HDAC9: variants seen among roughly 807,000 people sequenced by gnomAD.
The protein encoded by HDAC9 is MEF-2 interacting transcription repressor (MITR) protein.
A neutral mutation model predicts 139.4 loss-of-function variants in HDAC9; 41 were observed. The observed-to-expected ratio is 0.29, with a 90% CI of 0.23 to 0.38. HDAC9 has a LOEUF of 0.38. Ranked by LOEUF, HDAC9 falls within the 10% of genes least tolerant of loss-of-function variation. The pLI, the probability that HDAC9 is intolerant of heterozygous loss-of-function variation, is 1.00. For missense variants in HDAC9, 1,147 were observed against 1,297.0 expected, an observed-to-expected ratio of 0.88 and a Z score of 1.78; for synonymous variants, 517 against 476.2, an observed-to-expected ratio of 1.09 and a Z score of -1.12.
At chr7:18,330,532 A>G (rs1800840108) in intron 1 of HDAC9, among the ~76,000 whole-genome samples, 1 of 151,496 alleles carries the variant, frequency 6.6e-6, no homozygotes, top group African/African-American at 2.4e-5. Flanking sequence ...AAGAGAATTA[A>G]TCTCTTAGAA....
intron 1 of HDAC9, among the ~76,000 whole-genome samples, chr7:18,409,839 G>A (rs192688029): frequency 1.5e-3 from 232 of 152,158 alleles, no homozygotes; most frequent in African/African-American, 5.4e-3. Context: ...TCAAATATTG[G>A]CTAAATTAAA....
intron 1 of HDAC9, among the ~76,000 whole-genome samples, chr7:18,341,768 A>G (rs1782033206): frequency 1.3e-5 from 2 of 151,684 alleles, no homozygotes; most frequent in South Asian, 4.1e-4. Flanking sequence ...TTTCCTGCTA[A>G]TTTGCATACC....
intron 16 of HDAC9, among the ~76,000 whole-genome samples, chr7:18,768,976 A>G (rs1790056929): frequency 1.3e-5 from 2 of 152,204 alleles, no homozygotes; most frequent in African/African-American, 4.8e-5. Flanking sequence ...AGGCTAACAT[A>G]AATGTTTGGC....
At chr7:18,222,127 G>C (rs1001728919) in intron 2 of HDAC9, among the ~76,000 whole-genome samples, 1 of 151,326 alleles carries the variant, frequency 6.6e-6, no homozygotes, top group Admixed American at 6.6e-5. Flanking sequence ...ATAGTATGGG[G>C]AACTTCTGAG....
chr7:18,621,640 A>G (rs1336114542), intron 6 of HDAC9, among the ~76,000 whole-genome samples: 2 of 152,168 alleles, frequency 1.3e-5, no homozygotes, highest in Non-Finnish European at 2.9e-5. Context: ...TATGAATTAC[A>G]TACTGTTAAG....
At chr7:18,568,770 G>A (rs1187591089) in intron 2 of HDAC9, among the ~76,000 whole-genome samples, 1 of 152,112 alleles carries the variant, frequency 6.6e-6, no homozygotes, top group African/African-American at 2.4e-5. Flanking sequence ...AAATTGGGCC[G>A]GGCGCAGTGG....
intron 1 of HDAC9, among the ~76,000 whole-genome samples, chr7:18,363,217 A>G (rs1362701347): frequency 2.0e-5 from 3 of 152,154 alleles, no homozygotes; most frequent in African/African-American, 7.2e-5. Context: ...TCACCACGGT[A>G]GATTTTCCAT....
intron 1 of HDAC9, among the ~76,000 whole-genome samples, chr7:18,150,867 TAA>T (rs1786727544): frequency 6.6e-6 from 1 of 152,192 alleles, no homozygotes; most frequent in Non-Finnish European, 1.5e-5. Flanking sequence ...CAGAGGAACT[TAA>T]GAGTGAGTGA....
chr7:18,688,361 T>A (rs1782431112), intron 12 of HDAC9, among the ~76,000 whole-genome samples: 1 of 151,820 alleles, frequency 6.6e-6, no homozygotes, highest in Non-Finnish European at 1.5e-5. Context: ...AAGGTTCCAT[T>A]TCTAGTATAT....
At chr7:18,990,980 T>C (rs1372568166) in intron 25 of HDAC9, among the ~76,000 whole-genome samples, 1 of 152,214 alleles carries the variant, frequency 6.6e-6, no homozygotes, top group Non-Finnish European at 1.5e-5. Flanking sequence ...GTACCTCAGA[T>C]GGAAATGCAG....
chr7:18,367,974 G>A (rs886654328), intron 1 of HDAC9, among the ~76,000 whole-genome samples: 4 of 151,940 alleles, frequency 2.6e-5, no homozygotes, highest in Non-Finnish European at 5.9e-5. Flanking sequence ...ATAGTGTTTC[G>A]ACTTATGGGA....
chr7:18,395,868 T>G (rs934393975), intron 1 of HDAC9, among the ~76,000 whole-genome samples: 1 of 152,172 alleles, frequency 6.6e-6, no homozygotes, highest in Non-Finnish European at 1.5e-5. Context: ...ATGCCATTTT[T>G]CTATGTGAGA....
chr7:18,417,063 C>T (rs982574417), intron 1 of HDAC9, among the ~76,000 whole-genome samples: 1 of 152,060 alleles, frequency 6.6e-6, no homozygotes, highest in Admixed American at 6.6e-5. Context: ...TTGGTGACTC[C>T]AGTTACGAAT....
intron 2 of HDAC9, among the ~76,000 whole-genome samples, chr7:18,533,118 C>T (rs1586748420): frequency 6.6e-6 from 1 of 152,170 alleles, no homozygotes; most frequent in East Asian, 1.9e-4. Context: ...TCAAGTTCAA[C>T]TTAGGCTTTT....
At chr7:18,847,693 C>G (rs568280323) in intron 21 of HDAC9, among the ~76,000 whole-genome samples, 12 of 152,322 alleles carry the variant, frequency 7.9e-5, no homozygotes, top group African/African-American at 2.9e-4. Flanking sequence ...GGAAGTCTCC[C>G]CCTGAGGGGT....
intron 1 of HDAC9, among the ~76,000 whole-genome samples, chr7:18,330,991 C>T (rs1800877519): frequency 6.6e-6 from 1 of 151,694 alleles, no homozygotes; most frequent in Admixed American, 6.6e-5. Flanking sequence ...TACAGTAATA[C>T]ATGAATACAA....
At chr7:18,921,788 T>C (rs1371267292) in intron 22 of HDAC9, among the ~76,000 whole-genome samples, 1 of 152,112 alleles carries the variant, frequency 6.6e-6, no homozygotes, top group Non-Finnish European at 1.5e-5. Flanking sequence ...CGTATGTTTA[T>C]TGCGGCACTA....
intron 1 of HDAC9, among the ~76,000 whole-genome samples, chr7:18,136,773 A>T (rs1450154771): frequency 2.0e-5 from 3 of 150,982 alleles, no homozygotes; most frequent in African/African-American, 7.3e-5. Flanking sequence ...CTTAGGATTG[A>T]CTTGGCGATG....
chr7:18,890,373 C>G (rs1003965937), intron 22 of HDAC9, among the ~76,000 whole-genome samples: 8 of 152,272 alleles, frequency 5.3e-5, no homozygotes, highest in Non-Finnish European at 1.0e-4. Context: ...AATGAGCAAC[C>G]ACCAAAAGTC....
Sources: gnomAD v4.1 joint callset for allele counts (sites outside exome capture counted in the v4.1 genomes callset) on GRCh38, gnomAD v4.1.1 for gene constraint, MANE v1.5 for transcripts, NCBI Gene and HGNC (gene_info 2026-07-23, HGNC 2026-07-21) for gene names.